The following ERBB4 variants were observed in gnomAD, a reference collection of about 807,000 sequenced individuals.
ERBB4 encodes the protein receptor tyrosine-protein kinase erbB-4.
ERBB4 carries 42 observed loss-of-function variants against 158.0 expected under a neutral mutation model. The observed-to-expected ratio is 0.27, with a 90% CI of 0.21 to 0.34. The LOEUF is 0.34. Ranked by LOEUF, ERBB4 falls within the 10% of genes least tolerant of loss-of-function variation. The probability of loss-of-function intolerance (pLI) is 1.00; values close to 1 mark genes in which losing one functional copy is unlikely to be tolerated. For synonymous variants in ERBB4, 583 were observed against 558.7 expected (o/e 1.04, Z -0.61); for missense variants, 1,333 against 1,624.1 (o/e 0.82, Z 3.08).
At position 211,657,080 on chromosome 2, in the gene ERBB4, GAATTA is replaced by G. The variant is rs1161719838; in HGVS notation, c.1946+669_1946+673del. ...TAAAAATAATATAAAATCAGAAATTGAATTAAATTAAATAATAAACTTCTGCAAAT... is the reference window on the plus strand; with the variant it reads ...TAAAAATAATATAAAATCAGAAATTGAATTAAATAATAAACTTCTGCAAAT... On this transcript the variant is annotated intron_variant, in intron 16 of 27. Coordinates refer to ENST00000342788, the MANE Select transcript of ERBB4 (RefSeq NM_005235.3). Among the ~76,000 whole-genome samples, 32 of 151,994 alleles carry G rather than the reference GAATTA, an allele frequency of 2.1e-4. No homozygotes were observed. In the East Asian group the frequency reaches 3.7e-3, roughly 17 times the overall value.
At chr2:211,897,154 AG>A (rs1430612035) in intron 3 of ERBB4, among the ~76,000 whole-genome samples, 10 of 151,470 alleles carry the variant, frequency 6.6e-5, no homozygotes, top group African/African-American at 2.2e-4. Flanking sequence ...AAAAATCTAA[AG>A]AAAAATATCA....
At chr2:212,380,938 TA>T (rs952122500) in intron 1 of ERBB4, among the ~76,000 whole-genome samples, 24 of 151,298 alleles carry the variant, frequency 1.6e-4, no homozygotes, top group African/African-American at 5.3e-4. Context: ...TAGTCGGAAT[TA>T]AAGCAATCTA....
At chr2:211,861,228 G>T (rs2078039753) in intron 3 of ERBB4, among the ~76,000 whole-genome samples, 1 of 128,274 alleles carries the variant, frequency 7.8e-6, no homozygotes, top group Admixed American at 8.9e-5. Flanking sequence ...GCAGTGGTGT[G>T]ATTATGGCTC....
chr2:212,361,408 A>C (rs534985450), intron 1 of ERBB4, among the ~76,000 whole-genome samples: 1 of 151,548 alleles, frequency 6.6e-6, no homozygotes, highest in African/African-American at 2.4e-5. Context: ...TTCTGGAGTT[A>C]GTATATCAAA....
chr2:211,623,029 ATATATATATATATAT>A (rs2069688810), intron 18 of ERBB4, among the ~76,000 whole-genome samples: 4 of 101,920 alleles, frequency 3.9e-5, no homozygotes, highest in South Asian at 3.2e-4. Context: ...ATATATATAT[ATATATATATATATAT>A]AAAATGCCAA....
intron 1 of ERBB4, among the ~76,000 whole-genome samples, chr2:212,456,754 A>C (rs1688308485): frequency 6.6e-6 from 1 of 151,996 alleles, no homozygotes; most frequent in African/African-American, 2.4e-5. Context: ...AATTTATATA[A>C]AAATATATAA....
chr2:212,110,003 C>A (rs2079354705), intron 2 of ERBB4, among the ~76,000 whole-genome samples: 1 of 152,152 alleles, frequency 6.6e-6, no homozygotes, highest in South Asian at 2.1e-4. Context: ...TGACCTCAAG[C>A]AAGTCAGGTA....
intron 2 of ERBB4, among the ~76,000 whole-genome samples, chr2:212,053,632 G>A (rs2077466720): frequency 6.6e-6 from 1 of 152,130 alleles, no homozygotes; most frequent in Non-Finnish European, 1.5e-5. Flanking sequence ...AATAGAAACA[G>A]ACTCCTTAAA....
chr2:212,179,256 C>G (rs986288196), intron 1 of ERBB4, among the ~76,000 whole-genome samples: 1 of 151,050 alleles, frequency 6.6e-6, no homozygotes, highest in South Asian at 2.1e-4. Context: ...GATGACTCTT[C>G]GAGGAGGACA....
chr2:212,378,352 A>G (rs1192287503), intron 1 of ERBB4, among the ~76,000 whole-genome samples: 3 of 151,862 alleles, frequency 2.0e-5, no homozygotes, highest in Non-Finnish European at 4.4e-5. Flanking sequence ...TAAGGTAAAG[A>G]GCCCTGCATT....
At chr2:211,444,811 C>T (rs2064069924) in intron 20 of ERBB4, among the ~76,000 whole-genome samples, 2 of 151,950 alleles carry the variant, frequency 1.3e-5, no homozygotes, top group Non-Finnish European at 2.9e-5. Context: ...TCATTGTCTG[C>T]TGTGAGATAC....
rs150130515 is a variant in ERBB4, at chr2:212,503,642, G to A, written c.82+34807C>T. 7.7e-3 allele frequency among the ~76,000 whole-genome samples: 1,167 copies of A among 152,268 alleles called. 13 individuals carry two copies. Among genetic ancestry groups the A allele is most frequent in the African/African-American group, 0.026 (1,094 of 41,550 alleles). On this transcript the variant is annotated intron_variant, in intron 1 of 27. Transcript: ENST00000342788. The stretch of plus-strand genomic sequence containing the variant: ...AAGGAAAAAACCAACAGCATACTCA[G>A]GAGCATATCATCTTGAAGTTGATGT...
At chr2:211,653,305 A>C (rs1280931605) in intron 16 of ERBB4, among the ~76,000 whole-genome samples, 3 of 152,188 alleles carry the variant, frequency 2.0e-5, no homozygotes, top group African/African-American at 7.2e-5. Flanking sequence ...ATCTTATCCA[A>C]TCTTCCTGAA....
chr2:212,191,707 TA>T, intron 1 of ERBB4, among the ~76,000 whole-genome samples: 1 of 146,294 alleles, frequency 6.8e-6, no homozygotes, highest in South Asian at 2.1e-4. Context: ...TAACACGTGT[TA>T]TACATGTTAC....
At chr2:211,777,885 AG>A (rs1171469546) in intron 4 of ERBB4, 1 of 152,204 alleles carries the variant, frequency 6.6e-6, no homozygotes. Context: ...AATAAGACCA[AG>A]GGCCTTCAAA....
At chr2:211,763,414 G>C (rs2075465819) in intron 4 of ERBB4, among the ~76,000 whole-genome samples, 1 of 152,014 alleles carries the variant, frequency 6.6e-6, no homozygotes. Flanking sequence ...GTTCCTTAAG[G>C]GAAGGAACCA....
At chr2:211,701,935 C>T (rs773491051) in intron 12 of ERBB4, 32 bp downstream of exon 12, 1 of 1,520,802 alleles carries the variant, frequency 6.6e-7, no homozygotes, top group Non-Finnish European at 9.1e-7. Context: ...ATTTAAGTTT[C>T]TATGTTTTAA....
chr2:211,434,686 G>A (rs2063813723), intron 20 of ERBB4, among the ~76,000 whole-genome samples: 2 of 152,130 alleles, frequency 1.3e-5, no homozygotes, highest in African/African-American at 4.8e-5. Context: ...CTATCCTGAA[G>A]CTAAATACTA....
At chr2:212,332,419 C>A (rs1346304230) in intron 1 of ERBB4, among the ~76,000 whole-genome samples, 1 of 152,006 alleles carries the variant, frequency 6.6e-6, no homozygotes, top group East Asian at 1.9e-4. Context: ...TGAAAACAGA[C>A]CAATACAGTA....
Sources: allele counts gnomAD v4.1 joint callset (sites outside exome capture counted in the v4.1 genomes callset), GRCh38; gene constraint gnomAD v4.1.1; transcripts MANE v1.5; gene names NCBI Gene and HGNC (gene_info 2026-07-23, HGNC 2026-07-21).